LRBA: variants seen among roughly 807,000 people sequenced by gnomAD.
LRBA encodes LPS responsive beige-like anchor protein.
Under a neutral mutation model 330.0 loss-of-function variants are expected in LRBA, and 176 were observed. The observed-to-expected ratio is 0.53, with a 90% CI of 0.47 to 0.60. The LOEUF is 0.60. Ranked by LOEUF, LRBA falls within the 20% of genes least tolerant of loss-of-function variation. The probability of loss-of-function intolerance (pLI) is 0.00; values close to 1 mark genes in which losing one functional copy is unlikely to be tolerated. For synonymous variants in LRBA, 1,230 were observed against 1,193.0 expected, an observed-to-expected ratio of 1.03 and a Z score of -0.64; for missense variants, 3,259 against 3,444.8, an observed-to-expected ratio of 0.95 and a Z score of 1.35.
chr4:150,828,920 GGGGTGTGTGTGTGTGTGTGTGT>G (rs1239250302), intron 29 of LRBA, among the ~76,000 whole-genome samples: 1 of 53,234 alleles, frequency 1.9e-5, no homozygotes, highest in Non-Finnish European at 6.0e-5. Flanking sequence ...ATCTTTTTTG[GGGGTGTGTGTGTGTGTGTGTGT>G]GTGTGTGTGT....
At position 150,282,151 on chromosome 4, in the gene LRBA, G is replaced by T. The variant is rs186269867; in HGVS notation, c.8316+299C>A. Among the ~76,000 whole-genome samples the T allele has an allele frequency of 6.6e-5, 10 of 152,308 alleles. No individual in the cohort carries two copies. The East Asian group carries it at 1.4e-3, about 21-fold the overall frequency. ...TGCAGTGCATTTTCTTAGAAAAAAAGAAATGAGCAGTGCCACTAAAAGCCA... is the reference window on the plus strand; with the variant it reads ...TGCAGTGCATTTTCTTAGAAAAAAATAAATGAGCAGTGCCACTAAAAGCCA... On this transcript the variant is annotated intron_variant, in intron 55 of 56. Transcript: ENST00000651943.
At chr4:151,001,273 A>G (rs1435253706) in intron 2 of LRBA, among the ~76,000 whole-genome samples, 1 of 152,130 alleles carries the variant, frequency 6.6e-6, no homozygotes, top group Non-Finnish European at 1.5e-5. Flanking sequence ...CTAGGCTGCC[A>G]CCATTAAAGG....
At chr4:151,014,240 A>C in intron 2 of LRBA, 187 bp downstream of exon 2, 1 of 558,064 alleles carries the variant, frequency 1.8e-6, no homozygotes, top group Admixed American at 3.1e-5. Flanking sequence ...GGATCATCTA[A>C]GTTTGCACAA....
intron 2 of LRBA, among the ~76,000 whole-genome samples, chr4:150,963,324 T>C (rs1349034000): frequency 1.3e-5 from 2 of 149,362 alleles, no homozygotes; most frequent in Non-Finnish European, 2.9e-5. Flanking sequence ...TGCCTGGGAT[T>C]GCAGGCATGC....
At chr4:150,872,033 T>C (rs2127006462) in intron 18 of LRBA, among the ~76,000 whole-genome samples, 1 of 152,322 alleles carries the variant, frequency 6.6e-6, no homozygotes, top group East Asian at 1.9e-4. Flanking sequence ...GACCAGGTGA[T>C]TTCTGTCACA....
At chr4:150,303,402 CT>C (rs1248164690) in intron 52 of LRBA, among the ~76,000 whole-genome samples, 1 of 152,028 alleles carries the variant, frequency 6.6e-6, no homozygotes, top group Admixed American at 6.6e-5. Context: ...GATTCTTTGT[CT>C]TAATTTTCTG....
At chr4:150,997,581 G>GA (rs924450125) in intron 2 of LRBA, among the ~76,000 whole-genome samples, 16 of 150,198 alleles carry the variant, frequency 1.1e-4, no homozygotes, top group Admixed American at 2.0e-4. Context: ...TGCCTAAGGG[G>GA]AAAAAAAAAG....
chr4:150,328,916 A>T (rs539052079), intron 48 of LRBA, among the ~76,000 whole-genome samples: 1 of 152,322 alleles, frequency 6.6e-6, no homozygotes, highest in African/African-American at 2.4e-5. Flanking sequence ...CCTTAATATT[A>T]CATATAGTGT....
intron 46 of LRBA, among the ~76,000 whole-genome samples, chr4:150,420,257 T>C (rs889479548): frequency 6.8e-6 from 1 of 147,550 alleles, no homozygotes; most frequent in East Asian, 2.0e-4. Context: ...ATATATATTA[T>C]ACATATATGG....
At chr4:150,691,801 A>C (rs1784165033) in intron 36 of LRBA, among the ~76,000 whole-genome samples, 1 of 152,152 alleles carries the variant, frequency 6.6e-6, no homozygotes, top group Non-Finnish European at 1.5e-5. Flanking sequence ...AAACAACCCA[A>C]TGTCTGCCTA....
chr4:150,787,193 G>T (rs1016350785), intron 34 of LRBA, among the ~76,000 whole-genome samples: 1 of 151,216 alleles, frequency 6.6e-6, no homozygotes, highest in Non-Finnish European at 1.5e-5. Flanking sequence ...GCACTCCAGC[G>T]TGGGTGACAC....
chr4:150,377,104 G>A (rs1741456868), intron 47 of LRBA, among the ~76,000 whole-genome samples: 1 of 145,586 alleles, frequency 6.9e-6, no homozygotes, highest in African/African-American at 2.5e-5. Context: ...ACCAGCCTGA[G>A]CAACATGGCA....
chr4:150,278,823 GTT>G (rs71960661), intron 55 of LRBA, among the ~76,000 whole-genome samples: 18 of 148,806 alleles, frequency 1.2e-4, no homozygotes, highest in South Asian at 4.3e-4. Flanking sequence ...CCATAAACAG[GTT>G]TTTTTTTTTC....
At chr4:150,573,223 C>T (rs529098512) in intron 40 of LRBA, among the ~76,000 whole-genome samples, 3 of 152,274 alleles carry the variant, frequency 2.0e-5, no homozygotes, top group East Asian at 3.9e-4. Context: ...TGCACTTTCA[C>T]GCCAACAAGG....
In LRBA at chr4:150,574,802, T is replaced by C. The variant is rs115878129; in HGVS notation, c.6330+13246A>G. Among the ~76,000 whole-genome samples the C allele has an allele frequency of 1.9e-3, 287 of 152,118 alleles. 3 individuals carry two copies. Among genetic ancestry groups the C allele is most frequent in the African/African-American group, 6.6e-3 (275 of 41,552 alleles). On this transcript the variant is annotated intron_variant, in intron 40 of 56. Transcript: ENST00000651943. ...AAATAGAAGGCCCAATTAAGTATGG[T>C]TGGAATCCTTTACTGACCAAATATG...
chr4:150,343,875 C>CA (rs1735915786), intron 48 of LRBA, among the ~76,000 whole-genome samples: 1 of 152,204 alleles, frequency 6.6e-6, no homozygotes, highest in African/African-American at 2.4e-5. Flanking sequence ...ATCCTTAGCA[C>CA]AAACCCTCAT....
intron 47 of LRBA, among the ~76,000 whole-genome samples, chr4:150,391,782 CTCT>C (rs917341357): frequency 1.3e-5 from 2 of 152,026 alleles, no homozygotes; most frequent in African/African-American, 4.8e-5. Context: ...AAGATGGTCT[CTCT>C]TCTACCTTCT....
At chr4:150,525,494 A>G (rs925779216) in intron 40 of LRBA, among the ~76,000 whole-genome samples, 1 of 152,174 alleles carries the variant, frequency 6.6e-6, no homozygotes, top group African/African-American at 2.4e-5. Flanking sequence ...TGCCTCTGAC[A>G]CAGATTAGGT....
At chr4:150,318,226 T>C (rs1731986164) in intron 50 of LRBA, among the ~76,000 whole-genome samples, 1 of 152,130 alleles carries the variant, frequency 6.6e-6, no homozygotes, top group African/African-American at 2.4e-5. Flanking sequence ...GAATTTTTTT[T>C]AAGAAGAAGG....
Sources: gnomAD v4.1 joint callset for allele counts (sites outside exome capture counted in the v4.1 genomes callset) on GRCh38, gnomAD v4.1.1 for gene constraint, MANE v1.5 for transcripts, NCBI Gene and HGNC (gene_info 2026-07-23, HGNC 2026-07-21) for gene names.